CNTRL: variants seen among roughly 807,000 people sequenced by gnomAD.
The protein encoded by CNTRL is 110 kDa centrosomal protein.
In CNTRL, 233 loss-of-function variants were observed where a neutral mutation model predicts 303.7. The ratio of observed to expected loss-of-function variants is 0.77; its 90% confidence interval spans 0.69 to 0.86. The LOEUF is 0.86. CNTRL is among the 40% of genes least tolerant of loss of function. CNTRL has a pLI of 0.00. For missense variants in CNTRL, 2,524 were observed against 2,650.6 expected, an observed-to-expected ratio of 0.95 and a Z score of 1.05; for synonymous variants, 900 against 922.2, an observed-to-expected ratio of 0.98 and a Z score of 0.44.
In CNTRL at chr9:121,157,500, G is replaced by A. The variant is rs1312459486; in HGVS notation, c.4396G>A (p.Ala1466Thr). The change falls in exon 28 of 44, where the codon GCC (alanine) becomes ACC (threonine). Residue 1466 changes from alanine (A) to threonine (T), a missense_variant. Transcript: ENST00000373855. The stretch of plus-strand genomic sequence containing the variant: ...AAATGCTGTTGAAAAGTTCACTGAT[G>A]CCAAGAGAAGTTTATTGCAAACTGA... ...TKNAVEKFTD[A>T]KRSLLQTESD... 1 of 1,613,932 alleles carries A rather than the reference G, an allele frequency of 6.2e-7. No homozygotes were observed. The highest frequency in any genetic ancestry group is 1.3e-5 in the African/African-American group (1 of 74,920).
At chr9:121,155,040 AGG>A in intron 27 of CNTRL, 127 bp downstream of exon 27, 1 of 797,568 alleles carries the variant, frequency 1.3e-6, no homozygotes, top group South Asian at 1.5e-5. Context: ...GCCAGGTTCC[AGG>A]CTGGACTCTG....
At chr9:121,155,048 C>A in intron 27 of CNTRL, 135 bp downstream of exon 27, 1 of 742,598 alleles carries the variant, frequency 1.3e-6, no homozygotes, top group Non-Finnish European at 2.4e-6. Flanking sequence ...CCAGGCTGGA[C>A]TCTGCTAGTT....
intron 14 of CNTRL, among the ~76,000 whole-genome samples, chr9:121,128,945 G>A (rs1280102625): frequency 1.3e-5 from 2 of 152,166 alleles, no homozygotes; most frequent in African/African-American, 2.4e-5. Context: ...TCAGATGGTT[G>A]TAGATGTGTG....
At chr9:121,156,090 GA>G (rs971118367) in intron 27 of CNTRL, among the ~76,000 whole-genome samples, 1 of 150,176 alleles carries the variant, frequency 6.7e-6, no homozygotes, top group Non-Finnish European at 1.5e-5. Context: ...AGAACTAGAG[GA>G]AAAAAAATCA....
In CNTRL at chr9:121,094,925, T is replaced by G; in HGVS notation, c.386T>G (p.Val129Gly). The stretch of plus-strand genomic sequence containing the variant: ...TTGGAAAAATGTGTTAAACTTGAAG[T>G]ACTGAATCTCAGCTATAATCTAATA... ...ENLEKCVKLE[V>G]LNLSYNLIGK... Residue 129 changes from valine (V) to glycine (G), a missense_variant, in exon 5 of 44, where the codon GTA becomes GGA. Physicochemically the swap from Val to Gly is moderately radical, Grantham distance 109 (BLOSUM62 -3). Coordinates refer to ENST00000373855, the MANE Select transcript of CNTRL (RefSeq NM_007018.6). The G allele has an allele frequency of 6.3e-7, 1 of 1,587,896 alleles. No homozygotes were observed. The highest frequency in any genetic ancestry group is 8.6e-7 in the Non-Finnish European group (1 of 1,162,326).
At chr9:121,175,843 T>C (rs1350995319) in intron 43 of CNTRL, among the ~76,000 whole-genome samples, 1 of 152,220 alleles carries the variant, frequency 6.6e-6, no homozygotes, top group Non-Finnish European at 1.5e-5. Context: ...TCTGTCAATA[T>C]AAAGAGCTTA....
intron 7 of CNTRL, among the ~76,000 whole-genome samples, chr9:121,104,842 C>T (rs990213034): frequency 4.6e-5 from 7 of 151,888 alleles, no homozygotes; most frequent in African/African-American, 7.3e-5. Flanking sequence ...ACTGGGATTA[C>T]AGGCATGCAC....
chr9:121,112,796 T>C (rs1218408927), intron 9 of CNTRL, among the ~76,000 whole-genome samples: 1 of 152,216 alleles, frequency 6.6e-6, no homozygotes, highest in Non-Finnish European at 1.5e-5. Context: ...AAAGAATCTT[T>C]GCCCATAGCC....
At position 121,146,161 on chromosome 9, in the gene CNTRL, G is replaced by C. The variant is rs368892983; in HGVS notation, c.3364G>C (p.Glu1122Gln). 4 of 1,613,162 alleles carry C rather than the reference G, an allele frequency of 2.5e-6. No individual in the cohort carries two copies. Among genetic ancestry groups the C allele is most frequent in the Middle Eastern group, 1.6e-4 (1 of 6,082 alleles). The change falls in exon 23 of 44, where the codon GAA becomes CAA. Residue 1122 changes from glutamate (E) to glutamine (Q), a missense_variant. Physicochemically the swap from Glu to Gln is conservative, Grantham distance 29 (BLOSUM62 2). Coordinates refer to ENST00000373855, the MANE Select transcript of CNTRL (RefSeq NM_007018.6). ...AGAAGAAATTGCTGAACTTCGACGT[G>C]AAGTTTCTTATCAGAATGATTACAT... is the stretch of plus-strand genomic sequence containing the variant. Reference protein sequence around the residue: ...VLEEIAELRREVSYQNDYISS... With the variant: ...VLEEIAELRRQVSYQNDYISS...
chr9:121,158,362 C>T lies in CNTRL; in HGVS notation c.4764+253C>T, dbSNP rs1229280680. Among the ~76,000 whole-genome samples, 4 of 152,156 alleles carry T rather than the reference C, an allele frequency of 2.6e-5. No homozygotes were observed. The South Asian group carries it at 6.2e-4, about 24-fold the overall frequency. ...CAACACTTATGGTTGTATTTTTAGT[C>T]AATACCAAAGTACAAAAGTGGTCAT... On this transcript the variant is annotated intron_variant, in intron 30 of 43. Coordinates refer to ENST00000373855, the MANE Select transcript of CNTRL (RefSeq NM_007018.6).
chr9:121,083,546 G>A (rs538506537), intron 2 of CNTRL, among the ~76,000 whole-genome samples: 1 of 152,062 alleles, frequency 6.6e-6, no homozygotes, highest in African/African-American at 2.4e-5. Flanking sequence ...TGATAACAGT[G>A]TTATGTTCTG....
intron 12 of CNTRL, among the ~76,000 whole-genome samples, chr9:121,119,394 C>G (rs1279475453): frequency 6.6e-6 from 1 of 151,248 alleles, no homozygotes; most frequent in East Asian, 1.9e-4. Context: ...CTCCCAGGTT[C>G]AAGCGATTCT....
chr9:121,129,731 T>C (rs2133681375), intron 14 of CNTRL, among the ~76,000 whole-genome samples: 1 of 152,334 alleles, frequency 6.6e-6, no homozygotes, highest in Middle Eastern at 3.4e-3. Context: ...AAGGGAATGC[T>C]TCCAGTTTTT....
In CNTRL at chr9:121,146,263, A is replaced by G; in HGVS notation, c.3459+7A>G. The stretch of plus-strand genomic sequence containing the variant: ...ACCACCACCATCATCAAAAGTAGGA[A>G]TTCTGTGGTGTTGGGAATGTATACT... On this transcript the variant is annotated splice_region_variant and intron_variant, in intron 23 of 43. Transcript: ENST00000373855. 4.4e-6 allele frequency: 7 copies of G among 1,601,808 alleles called. No homozygotes were observed. The highest frequency in any genetic ancestry group is 5.9e-6 in the Non-Finnish European group (7 of 1,176,918).
chr9:121,097,095 A>G (rs976809929), intron 6 of CNTRL, among the ~76,000 whole-genome samples: 2 of 152,042 alleles, frequency 1.3e-5, no homozygotes. Context: ...TATGATTTAC[A>G]TATTTGGATG....
At chr9:121,099,019 A>C (rs1201140093) in intron 7 of CNTRL, among the ~76,000 whole-genome samples, 1 of 152,104 alleles carries the variant, frequency 6.6e-6, no homozygotes, top group East Asian at 1.9e-4. Flanking sequence ...AGGAAGTGAA[A>C]GAAGATTAGA....
At position 121,135,989 on chromosome 9, in the gene CNTRL, A is replaced by C; in HGVS notation, c.2202+7A>C. 3.2e-6 allele frequency: 5 copies of C among 1,584,992 alleles called. No homozygotes were observed. Among genetic ancestry groups the C allele is most frequent in the Non-Finnish European group, 3.4e-6 (4 of 1,160,542 alleles). ...AGTAACAAGACTTACCCAGGTAAGT[A>C]GGAGCATGAAGCCAACTGCAAACTA... On this transcript the variant is annotated splice_region_variant and intron_variant, in intron 15 of 43. Coordinates refer to ENST00000373855, the MANE Select transcript of CNTRL (RefSeq NM_007018.6).
At chr9:121,101,589 T>C (rs527388911) in intron 7 of CNTRL, among the ~76,000 whole-genome samples, 1 of 152,100 alleles carries the variant, frequency 6.6e-6, no homozygotes, top group East Asian at 1.9e-4. Context: ...AAAAAACCCT[T>C]CAAAAAAATC....
intron 12 of CNTRL, among the ~76,000 whole-genome samples, chr9:121,121,350 TAGAA>T (rs2050215866): frequency 6.6e-6 from 1 of 152,230 alleles, no homozygotes; most frequent in Non-Finnish European, 1.5e-5. Flanking sequence ...GTTATTGTTT[TAGAA>T]AGAGGTGGAG....
Sources: gnomAD v4.1 joint callset for allele counts (sites outside exome capture counted in the v4.1 genomes callset) on GRCh38, gnomAD v4.1.1 for gene constraint, MANE v1.5 for transcripts, NCBI Gene and HGNC (gene_info 2026-07-23, HGNC 2026-07-21) for gene names.